Variants in VOPP1 observed in about 807,000 individuals in gnomAD.
VOPP1 encodes VOPP1 WW domain binding protein.
Under a neutral mutation model 23.5 loss-of-function variants are expected in VOPP1, and 8 were observed. The ratio of observed to expected loss-of-function variants is 0.34; its 90% CI spans 0.20 to 0.61. The LOEUF is 0.61. Among genes scored for constraint, VOPP1 ranks in the 20% least tolerant of loss-of-function variants. VOPP1 has a pLI of 0.78. For synonymous variants in VOPP1, 83 were observed against 97.3 expected (o/e 0.85, Z 0.86); for missense variants, 174 against 238.1 (o/e 0.73, Z 1.77).
At chr7:55,496,959 C>T (rs1478418534) in intron 3 of VOPP1, among the ~76,000 whole-genome samples, 1 of 152,228 alleles carries the variant, frequency 6.6e-6, no homozygotes, top group Non-Finnish European at 1.5e-5. Flanking sequence ...CGTGCTCTGC[C>T]ACCCTCTCAT....
chr7:55,473,817 C>T (rs773039209), intron 4 of VOPP1, among the ~76,000 whole-genome samples: 5 of 152,214 alleles, frequency 3.3e-5, no homozygotes, highest in Non-Finnish European at 7.3e-5. Context: ...GATTTTGTGA[C>T]AGGACTCAGG....
At chr7:55,490,288 C>T (rs564415097) in intron 4 of VOPP1, among the ~76,000 whole-genome samples, 1 of 152,084 alleles carries the variant, frequency 6.6e-6, no homozygotes. Flanking sequence ...AGGGATGTGG[C>T]AGATCTAATC....
At chr7:55,502,945 C>T (rs138061793) in intron 2 of VOPP1, among the ~76,000 whole-genome samples, 75 of 152,290 alleles carry the variant, frequency 4.9e-4, no homozygotes, top group African/African-American at 1.6e-3. Context: ...TAACTAAATC[C>T]GCTCCACAGC....
intron 1 of VOPP1, among the ~76,000 whole-genome samples, chr7:55,551,164 T>C (rs563556265): frequency 2.6e-5 from 4 of 152,340 alleles, no homozygotes; most frequent in South Asian, 4.1e-4. Context: ...AGCCATAGCA[T>C]TCTTCCAGAC....
intron 4 of VOPP1, among the ~76,000 whole-genome samples, chr7:55,483,574 T>C (rs994277862): frequency 2.0e-5 from 3 of 152,258 alleles, no homozygotes; most frequent in Non-Finnish European, 2.9e-5. Flanking sequence ...CTCGGGTTCC[T>C]TTGCTTAGGT....
chr7:55,487,485 T>A (rs1793227258), intron 4 of VOPP1, among the ~76,000 whole-genome samples: 1 of 152,210 alleles, frequency 6.6e-6, no homozygotes, highest in Non-Finnish European at 1.5e-5. Flanking sequence ...CAAGCTATGT[T>A]GCCCAGGCTG....
chr7:55,505,442 C>T (rs531319866), intron 2 of VOPP1, among the ~76,000 whole-genome samples: 4 of 151,922 alleles, frequency 2.6e-5, no homozygotes, highest in South Asian at 4.2e-4. Flanking sequence ...TCTAGGAGTG[C>T]GCAGAAAAGG....
chr7:55,560,444 G>C (rs771783739), intron 1 of VOPP1, among the ~76,000 whole-genome samples: 1 of 152,166 alleles, frequency 6.6e-6, no homozygotes, highest in Non-Finnish European at 1.5e-5. Context: ...AGAAGCATGA[G>C]AGAAATTAGA....
chr7:55,444,619 C>A (rs977126277), intron 4 of VOPP1, among the ~76,000 whole-genome samples: 1 of 152,184 alleles, frequency 6.6e-6, no homozygotes, highest in Non-Finnish European at 1.5e-5. Flanking sequence ...CTGAAAAATA[C>A]ACTCTGCCCT....
intron 1 of VOPP1, among the ~76,000 whole-genome samples, chr7:55,561,448 T>C (rs1014789540): frequency 6.6e-6 from 1 of 152,012 alleles, no homozygotes; most frequent in Non-Finnish European, 1.5e-5. Flanking sequence ...CGGTGACTCA[T>C]ACCTGTAGTC....
chr7:55,519,481 G>A (rs1392912394), intron 2 of VOPP1, among the ~76,000 whole-genome samples: 1 of 152,138 alleles, frequency 6.6e-6, no homozygotes, highest in East Asian at 1.9e-4. Flanking sequence ...AGGAGGAGGC[G>A]AAAGGTCCAC....
chr7:55,493,269 G>C (rs1328620710), intron 3 of VOPP1: 1 of 70,790 alleles, frequency 1.4e-5, no homozygotes, highest in Non-Finnish European at 3.1e-5. Context: ...TGGCAAACTG[G>C]CAAACTCTTG....
rs138739638 is a variant in VOPP1 at position 55,511,767 on chromosome 7, A to T, written c.113+9305T>A. Among the ~76,000 whole-genome samples, 417 of 152,248 alleles carry T rather than the reference A, an allele frequency of 2.7e-3. 3 individuals are homozygous for T. Among genetic ancestry groups the T allele is most frequent in the African/African-American group, 9.5e-3 (394 of 41,570 alleles). On this transcript the variant is annotated intron_variant, in intron 2 of 4. Coordinates refer to ENST00000285279, the MANE Select transcript of VOPP1 (RefSeq NM_030796.5). ...CCTGCCTTTCCGGATGAACCAATGT[A>T]CTTCTTACATATATTGATGATATCT...
intron 2 of VOPP1, among the ~76,000 whole-genome samples, chr7:55,513,321 C>CGTA (rs1329911826): frequency 6.6e-6 from 1 of 152,158 alleles, no homozygotes; most frequent in African/African-American, 2.4e-5. Flanking sequence ...CACTGATGAT[C>CGTA]GTATTCCTTA....
downstream of VOPP1, among the ~76,000 whole-genome samples, chr7:55,467,248 C>G (rs1791655806): frequency 2.0e-5 from 3 of 152,214 alleles, no homozygotes; most frequent in Admixed American, 2.0e-4. Flanking sequence ...TAAAGCACCC[C>G]CTTTGTGAGA....
chr7:55,490,049 G>C (rs1793451228), intron 4 of VOPP1, among the ~76,000 whole-genome samples: 1 of 152,134 alleles, frequency 6.6e-6, no homozygotes, highest in African/African-American at 2.4e-5. Flanking sequence ...ACTGGACACA[G>C]AGGAGCGGGG....
chr7:55,509,789 G>A (rs918752724), intron 2 of VOPP1, among the ~76,000 whole-genome samples: 15 of 152,074 alleles, frequency 9.9e-5, no homozygotes, highest in Admixed American at 7.2e-4. Context: ...AATCTTTCCC[G>A]GAACCTATTC....
chr7:55,522,943 A>G (rs1472442630), intron 1 of VOPP1, among the ~76,000 whole-genome samples: 1 of 152,230 alleles, frequency 6.6e-6, no homozygotes, highest in Non-Finnish European at 1.5e-5. Flanking sequence ...TTTTCTTCCA[A>G]TCAGACAAAA....
At chr7:55,477,481 G>C (rs1173281079) in intron 4 of VOPP1, among the ~76,000 whole-genome samples, 1 of 152,204 alleles carries the variant, frequency 6.6e-6, no homozygotes, top group African/African-American at 2.4e-5. Context: ...CACTCAGCAA[G>C]CCTGTGCCAA....
Sources: allele counts gnomAD v4.1 joint callset (sites outside exome capture counted in the v4.1 genomes callset), GRCh38; gene constraint gnomAD v4.1.1; transcripts MANE v1.5; gene names NCBI Gene and HGNC (gene_info 2026-07-23, HGNC 2026-07-21).